Variants in GREP1 observed in about 807,000 individuals in gnomAD.
GREP1 encodes the protein glycine rich extracellular protein 1.
chr16:3,001,192 G>C, intron 33 of GREP1, 89 bp from the exon 28 acceptor site: 1 of 399,194 alleles, frequency 2.5e-6, no homozygotes. Flanking sequence ...TCCGGGGAGG[G>C]GGTGTCTCCC....
intron 5 of GREP1, 147 bp from the exon 6 acceptor site, chr16:2,990,405 C>A: frequency 5.0e-6 from 2 of 398,962 alleles, no homozygotes; most frequent in Non-Finnish European, 8.8e-6. Flanking sequence ...AGGGGTATCC[C>A]TGGGATGGGG....
chr16:2,990,859 A>AG lies in GREP1; in HGVS notation c.269-186dup, dbSNP rs539438086. Reference sequence around the variant, plus strand: ...GGTGTGGCTGTGGAGCAGGGAGCCCAGGGCGGGGAGGTGGGGCCCCTTCAT... The same window carrying AG: ...GGTGTGGCTGTGGAGCAGGGAGCCCAGGGGCGGGGAGGTGGGGCCCCTTCAT... On this transcript the variant is annotated intron_variant, in intron 7 of 34. Coordinates refer to ENST00000573315, the Ensembl canonical transcript of GREP1. 3.8e-4 allele frequency among the ~76,000 whole-genome samples: 58 copies of AG among 152,206 alleles called. 1 individual carries two copies. In the South Asian group the frequency reaches 0.012, roughly 30 times the overall value.
intron 25 of GREP1, 125 bp from the exon 24 acceptor site, chr16:2,998,723 A>G: frequency 5.0e-6 from 2 of 398,460 alleles, no homozygotes; most frequent in Non-Finnish European, 4.4e-6. Flanking sequence ...TGTCCCCCTA[A>G]GGTGCTGGGT....
chr16:2,993,077 T>C (rs755759919), intron 10 of GREP1, 114 bp downstream of exon 11: 1 of 396,296 alleles, frequency 2.5e-6, no homozygotes, highest in Non-Finnish European at 4.4e-6. Context: ...GATTTGGGAA[T>C]AGGAATGGGT....
chr16:3,001,006 TG>T (rs2072458971), intron 33 of GREP1, among the ~76,000 whole-genome samples, 179 bp downstream of exon 27: 1 of 151,712 alleles, frequency 6.6e-6, no homozygotes, highest in Admixed American at 6.6e-5. Flanking sequence ...CAGGAAGGAA[TG>T]GAGCTGGAGG....
chr16:3,000,937 T>C (rs2072458428), intron 33 of GREP1, 110 bp downstream of exon 27: 1 of 397,272 alleles, frequency 2.5e-6, no homozygotes, highest in Non-Finnish European at 4.4e-6. Context: ...GGTACAGCCC[T>C]CTTGGCGGAG....
rs372263567 is a variant in GREP1, at chr16:2,998,943, C to T, written c.1108C>T (p.Gln370Ter). 2 of 399,036 alleles carry T rather than the reference C, an allele frequency of 5.0e-6. No homozygotes were observed. Among genetic ancestry groups the T allele is most frequent in the Non-Finnish European group, 4.4e-6 (1 of 226,108 alleles). 24.7% of individuals were successfully genotyped at this position (399,036 alleles called of 1,614,324 possible). ...AGAGGGTGGCTGGGGCCTGAAATCC[C>T]AGCCCCCTTCCGCAGTGCAGAATGG... Residue 370 changes from glutamine (Q) to a stop codon, truncating the protein, a stop_gained, in exon 26 of 35, where the codon CAG becomes TAG. Coordinates refer to ENST00000573315, the Ensembl canonical transcript of GREP1. LOFTEE classifies it high-confidence loss of function.
chr16:3,001,206 G>T (rs2072460397), intron 33 of GREP1, 75 bp from the exon 28 acceptor site: 1 of 399,242 alleles, frequency 2.5e-6, no homozygotes, highest in East Asian at 3.6e-5. Flanking sequence ...GTCTCCCACA[G>T]CCTGGGTTGA....
chr16:2,998,796 G>C lies in GREP1; in HGVS notation c.1013-52G>C, dbSNP rs937514587. 5 of 398,918 alleles carry C rather than the reference G, an allele frequency of 1.3e-5. No individual in the cohort carries two copies. In the South Asian group the frequency reaches 3.8e-4, roughly 30 times the overall value. 24.7% of individuals were successfully genotyped at this position (398,918 alleles called of 1,614,324 possible). On this transcript the variant is annotated intron_variant, in intron 25 of 34. Transcript: ENST00000573315. ...GGCCAAGGCCTCCTGGGTGGCGTCGGTGAGGACTGGCCTGGAGCATAGCCC... is the reference window on the plus strand; with the variant it reads ...GGCCAAGGCCTCCTGGGTGGCGTCGCTGAGGACTGGCCTGGAGCATAGCCC...
chr16:2,997,425 G>C (rs555763701), intron 22 of GREP1: 50 of 398,964 alleles, frequency 1.3e-4, no homozygotes, highest in Non-Finnish European at 2.0e-4. Flanking sequence ...GCAGGTACTG[G>C]GGGGCTGGAG....
At position 2,988,398 on chromosome 16, in the gene GREP1, G is replaced by A. The variant is rs966162878; in HGVS notation, c.67+55G>A. ...GAATGGGCATCTGTGACTGGGGCTG[G>A]GGGTCCAAGTGGGGCCCTGGCCAGA... On this transcript the variant is annotated intron_variant, in intron 1 of 34. Transcript: ENST00000573315. 7.5e-6 allele frequency: 3 copies of A among 399,116 alleles called. No homozygotes were observed. The South Asian group carries it at 3.8e-4, about 51-fold the overall frequency. The allele number at this position is 399,116 out of a possible 1,614,324, so 24.7% of individuals were successfully genotyped here. A position where few individuals can be genotyped will look rare whatever the true frequency, so the allele number is the denominator to read the frequency against.
At position 3,001,278 on chromosome 16, in the gene GREP1, C is replaced by T. The variant is rs1859377; in HGVS notation, c.1532-3C>T. On this transcript the variant is annotated splice_region_variant and splice_polypyrimidine_tract_variant and intron_variant, in intron 33 of 34. Coordinates refer to ENST00000573315, the Ensembl canonical transcript of GREP1. ...GCTCCTGGTCTGTCTGTCTGTGCCACAGGGGGCCCCGACGTGAAGAGAGGC... is the reference window on the plus strand; with the variant it reads ...GCTCCTGGTCTGTCTGTCTGTGCCATAGGGGGCCCCGACGTGAAGAGAGGC... The T allele has an allele frequency of 0.57, 226,421 of 398,808 alleles. 64,832 individuals carry two copies. The highest frequency in any genetic ancestry group is 0.59 in the Non-Finnish European group (133,060 of 226,034). 24.7% of individuals were successfully genotyped at this position (398,808 alleles called of 1,614,324 possible). A position where few individuals can be genotyped will look rare whatever the true frequency, so the allele number is the denominator to read the frequency against.
At chr16:2,990,804 G>A (rs959925577) in intron 7 of GREP1, among the ~76,000 whole-genome samples, 82 of 152,278 alleles carry the variant, frequency 5.4e-4, no homozygotes, top group African/African-American at 1.8e-3. Flanking sequence ...AGGGGACAGG[G>A]GCACCTGGGC....
At chr16:2,998,062 G>T (rs553950356) in intron 23 of GREP1, among the ~76,000 whole-genome samples, 2 of 151,736 alleles carry the variant, frequency 1.3e-5, no homozygotes, top group South Asian at 4.2e-4. Flanking sequence ...GTGGGGGAAG[G>T]GGTGGGGTGG....
chr16:2,995,238 A>C (rs1369242103), intron 13 of GREP1, 46 bp from the exon 15 acceptor site: 2 of 398,514 alleles, frequency 5.0e-6, no homozygotes. Context: ...GGTGGATCTG[A>C]GTTGGGGGCT....
chr16:2,989,146 G>A lies in GREP1; in HGVS notation c.101-377G>A, dbSNP rs2072386297. ...CATGAAGGGAGAGGAGCCCAGTACT[G>A]AGAATGGATGGGAGAGGAGAGGAAG... On this transcript the variant is annotated intron_variant, in intron 2 of 34. Coordinates refer to ENST00000573315, the Ensembl canonical transcript of GREP1. The surrounding 1 kb of genome is among the most constrained non-coding windows in gnomAD (Gnocchi z 4.2). 1 of 283,562 alleles carries A rather than the reference G, an allele frequency of 3.5e-6. No individual in the cohort carries two copies. The highest frequency in any genetic ancestry group is 2.2e-5 in the African/African-American group (1 of 45,974). The allele number at this position is 283,562 out of a possible 1,614,324, so 17.6% of individuals were successfully genotyped here. A position where few individuals can be genotyped will look rare whatever the true frequency, so the allele number is the denominator to read the frequency against.
In GREP1 at chr16:2,996,714, A is replaced by T. The variant is rs1265409218; in HGVS notation, c.745+9A>T. 1 of 398,428 alleles carries T rather than the reference A, an allele frequency of 2.5e-6. No individual in the cohort carries two copies. 24.7% of individuals were successfully genotyped at this position (398,428 alleles called of 1,614,324 possible). On this transcript the variant is annotated intron_variant, in intron 20 of 34. Coordinates refer to ENST00000573315, the Ensembl canonical transcript of GREP1. ...GAAGCCTCAGATGCCAGGTGAGGGG[A>T]CTGCCTGTGTCTGTGGCCCCACCTC...
rs573574235 is a variant in GREP1, at chr16:2,991,510, G to T, written c.322+409G>T. Reference sequence around the variant, plus strand: ...TTAGGGTCCCAACCCTCATTCTTAGGGGAGGAGCTCTTAGGGTCAATGTCA... The same window carrying T: ...TTAGGGTCCCAACCCTCATTCTTAGTGGAGGAGCTCTTAGGGTCAATGTCA... On this transcript the variant is annotated intron_variant, in intron 8 of 34. Transcript: ENST00000573315. This position sits in a 1 kb window ranked among gnomAD's most constrained non-coding sequence, Gnocchi z 4.9. 1 of 167,318 alleles carries T rather than the reference G, an allele frequency of 6.0e-6. No homozygotes were observed. The highest frequency in any genetic ancestry group is 1.3e-5 in the Non-Finnish European group (1 of 78,580). 10.4% of individuals were successfully genotyped at this position (167,318 alleles called of 1,614,324 possible).
chr16:3,000,042 T>G lies in GREP1; in HGVS notation c.1232-44T>G, dbSNP rs2072451294. 1.0e-5 allele frequency: 4 copies of G among 398,918 alleles called. No homozygotes were observed. In the Admixed American group the frequency reaches 1.3e-4, roughly 13 times the overall value. The allele number at this position is 398,918 out of a possible 1,614,324, so 24.7% of individuals were successfully genotyped here. On this transcript the variant is annotated intron_variant, in intron 28 of 34. Transcript: ENST00000573315. ...GAAGAGGGGAGGCCAGGGCTGTGGC[T>G]CTCGCTGACCCCCATCTCTGAGTCA... is the stretch of plus-strand genomic sequence containing the variant.
Sources: allele counts gnomAD v4.1 joint callset (sites outside exome capture counted in the v4.1 genomes callset), GRCh38; gene constraint gnomAD v4.1.1; non-coding constraint Gnocchi (gnomAD v3.1); transcripts MANE v1.5; gene names NCBI Gene and HGNC (gene_info 2026-07-23, HGNC 2026-07-21).